Variants in RNF169 observed in about 807,000 individuals in gnomAD.
RNF169 encodes E3 ubiquitin-protein ligase RNF169.
A neutral mutation model predicts 53.9 loss-of-function variants in RNF169; 24 were observed. The ratio of observed to expected loss-of-function variants is 0.45; its 90% confidence interval spans 0.32 to 0.63. RNF169 has a LOEUF of 0.63. RNF169 is among the 20% of genes least tolerant of loss of function. RNF169 has a pLI of 0.04. For missense variants in RNF169, 883 were observed against 906.2 expected, an observed-to-expected ratio of 0.97 and a Z score of 0.33; for synonymous variants, 396 against 363.5, an observed-to-expected ratio of 1.09 and a Z score of -1.02.
chr11:74,805,608 A>C (rs548254155), intron 2 of RNF169, among the ~76,000 whole-genome samples: 1 of 152,338 alleles, frequency 6.6e-6, no homozygotes, highest in East Asian at 1.9e-4. Flanking sequence ...AACATGGGAG[A>C]ATATTCTGAT....
At chr11:74,804,847 A>T (rs928429147) in intron 2 of RNF169, among the ~76,000 whole-genome samples, 14 of 152,190 alleles carry the variant, frequency 9.2e-5, no homozygotes, top group African/African-American at 3.4e-4. Context: ...TATATAAAGA[A>T]CTCTTGCTAA....
chr11:74,749,192 T>TCGCTGC lies in RNF169; in HGVS notation c.316_321dup (p.Cys106_Arg107dup), dbSNP rs1157693930. ...CCGACGCGGCGGGCCCGGGTTGCCC[T>TCGCTGC]CGCTGCCGCGCCCGCGGCCCAGGCT... is the stretch of plus-strand genomic sequence containing the variant. On this transcript the variant is annotated inframe_insertion, in exon 1 of 6. Transcript: ENST00000299563. The TCGCTGC allele has an allele frequency of 1.8e-4, 210 of 1,161,206 alleles. No individual in the cohort carries two copies. Among genetic ancestry groups the TCGCTGC allele is most frequent in the Middle Eastern group, 7.1e-4 (2 of 2,820 alleles). 71.9% of individuals were successfully genotyped at this position (1,161,206 alleles called of 1,614,324 possible). A position where few individuals can be genotyped will look rare whatever the true frequency, so the allele number is the denominator to read the frequency against.
chr11:74,796,441 A>G (rs920543349), intron 2 of RNF169, among the ~76,000 whole-genome samples: 1 of 152,246 alleles, frequency 6.6e-6, no homozygotes, highest in Non-Finnish European at 1.5e-5. Context: ...TTTTCAGTTT[A>G]TATAAGACTT....
chr11:74,823,474 G>T (rs2036045795), intron 4 of RNF169, among the ~76,000 whole-genome samples: 1 of 152,182 alleles, frequency 6.6e-6, no homozygotes, highest in African/African-American at 2.4e-5. Flanking sequence ...GGTGACTCAT[G>T]CCTGTAATCC....
intron 4 of RNF169, chr11:74,830,584 G>A (rs1289038377): frequency 2.6e-5 from 4 of 151,530 alleles, no homozygotes; most frequent in Non-Finnish European, 5.9e-5. Context: ...CCGAGGGCCA[G>A]TGGCTTCACT....
At chr11:74,786,098 A>T (rs2035497477) in intron 1 of RNF169, among the ~76,000 whole-genome samples, 1 of 150,986 alleles carries the variant, frequency 6.6e-6, no homozygotes, top group South Asian at 2.1e-4. Context: ...CTGTCACCAC[A>T]CCTGGCTAAT....
At chr11:74,804,325 G>A (rs182817058) in intron 2 of RNF169, among the ~76,000 whole-genome samples, 345 of 152,250 alleles carry the variant, frequency 2.3e-3, no homozygotes, top group African/African-American at 7.9e-3. Context: ...GTTAGGAAAC[G>A]AGTGAATAAA....
intron 4 of RNF169, among the ~76,000 whole-genome samples, chr11:74,834,242 T>G (rs2036218638): frequency 6.6e-6 from 1 of 152,250 alleles, no homozygotes; most frequent in Admixed American, 6.5e-5. Flanking sequence ...AGAGATCTAA[T>G]GCACTGCTGT....
chr11:74,772,462 A>G (rs2035273883), intron 1 of RNF169, among the ~76,000 whole-genome samples: 1 of 139,736 alleles, frequency 7.2e-6, no homozygotes, highest in South Asian at 2.3e-4. Context: ...ATTTACTACT[A>G]GGGATGCTGG....
In RNF169 at chr11:74,748,992, G is replaced by T; in HGVS notation, c.112G>T (p.Ala38Ser). The change falls in exon 1 of 6, where the codon GCC (alanine) becomes TCC (serine). Residue 38 changes from alanine (A) to serine (S), a missense_variant. Ala to Ser is a moderately conservative substitution (Grantham distance 99, BLOSUM62 1). Around this residue, in one of 3 missense-constraint regions of RNF169, gnomAD observed 313 missense variants for 279.9 expected, o/e 1.12. Coordinates refer to ENST00000299563, the MANE Select transcript of RNF169 (RefSeq NM_001098638.2). ...CDETAAAKTGAPGPASGPSLL... is the reference protein window; with the variant it reads ...CDETAAAKTGSPGPASGPSLL... ...CGAGACGGCGGCAGCTAAGACTGGG[G>T]CCCCAGGCCCGGCTTCTGGACCTTC... 6.7e-7 allele frequency: 1 copy of T among 1,497,206 alleles called. No individual in the cohort carries two copies. The highest frequency in any genetic ancestry group is 1.3e-5 in the South Asian group (1 of 79,292). 92.7% of individuals were successfully genotyped at this position (1,497,206 alleles called of 1,614,324 possible).
At chr11:74,806,690 T>G (rs1404404146) in intron 2 of RNF169, among the ~76,000 whole-genome samples, 1 of 152,228 alleles carries the variant, frequency 6.6e-6, no homozygotes, top group Non-Finnish European at 1.5e-5. Context: ...GGCAGAAAGA[T>G]TCAGTAAACA....
intron 1 of RNF169, among the ~76,000 whole-genome samples, chr11:74,787,429 T>G (rs981196013): frequency 2.6e-4 from 39 of 152,202 alleles, no homozygotes; most frequent in African/African-American, 9.2e-4. Flanking sequence ...TCATAAAATA[T>G]AAGCATATAA....
In RNF169 at chr11:74,841,763, G is replaced by A. The variant is rs776125360; in HGVS notation, c.*5033G>A. On this transcript the variant is annotated 3_prime_UTR_variant, in exon 6 of 6. Transcript: ENST00000299563. ...TTAAGGTAAAACAGGCAATGAACTC[G>A]CTCTTCAAATACCATAGTTCAAGAG... The A allele has an allele frequency of 1.3e-5, 2 of 152,146 alleles. No homozygotes were observed. The highest frequency in any genetic ancestry group is 2.9e-5 in the Non-Finnish European group (2 of 68,040). The allele number at this position is 152,146 out of a possible 1,614,324, so 9.4% of individuals were successfully genotyped here. A position where few individuals can be genotyped will look rare whatever the true frequency, so the allele number is the denominator to read the frequency against.
chr11:74,818,011 A>G (rs1048428884), intron 4 of RNF169, among the ~76,000 whole-genome samples: 4 of 152,352 alleles, frequency 2.6e-5, no homozygotes, highest in South Asian at 2.1e-4. Context: ...CAGTCTGACA[A>G]TATGCACAGA....
intron 1 of RNF169, among the ~76,000 whole-genome samples, chr11:74,779,239 T>C (rs1173249501): frequency 1.3e-5 from 2 of 152,188 alleles, no homozygotes; most frequent in Non-Finnish European, 2.9e-5. Context: ...CATAAGTTCT[T>C]GTGTGGGCTG....
intron 5 of RNF169, 27 bp from the exon 6 acceptor site, chr11:74,835,519 A>C: frequency 6.5e-7 from 1 of 1,538,548 alleles, no homozygotes; most frequent in Non-Finnish European, 9.0e-7. Flanking sequence ...GTGTGTATGA[A>C]GGCATAATCT....
At chr11:74,797,130 A>T (rs1324638077) in intron 2 of RNF169, among the ~76,000 whole-genome samples, 1 of 152,208 alleles carries the variant, frequency 6.6e-6, no homozygotes, top group Non-Finnish European at 1.5e-5. Context: ...AGATATAGTC[A>T]ATGGGTTACT....
At chr11:74,784,035 A>C (rs1444028145) in intron 1 of RNF169, among the ~76,000 whole-genome samples, 10 of 152,172 alleles carry the variant, frequency 6.6e-5, no homozygotes, top group Non-Finnish European at 1.0e-4. Context: ...TTCCTTTCTC[A>C]TAATAGTCCA....
At position 74,795,692 on chromosome 11, in the gene RNF169, C is replaced by T. The variant is rs368000731; in HGVS notation, c.576+5993C>T. Among the ~76,000 whole-genome samples, 49 of 152,136 alleles carry T rather than the reference C, an allele frequency of 3.2e-4. 7 individuals carry two copies. Among genetic ancestry groups the T allele is most frequent in the Admixed American group, 2.0e-3 (30 of 15,282 alleles). ...CCTGAGCAATATAGTGAGACCCTAT[C>T]TCTACAAAAAATAAATTAGTTGGAC... is the stretch of plus-strand genomic sequence containing the variant. On this transcript the variant is annotated intron_variant, in intron 2 of 5. Transcript: ENST00000299563.
Sources: gnomAD v4.1 joint callset for allele counts (sites outside exome capture counted in the v4.1 genomes callset) on GRCh38, gnomAD v4.1.1 for gene constraint, gnomAD v4.1.1 regional missense constraint, MANE v1.5 for transcripts, NCBI Gene and HGNC (gene_info 2026-07-23, HGNC 2026-07-21) for gene names.